Variants in ST18 observed in about 807,000 individuals in gnomAD.
ST18 encodes suppression of tumorigenicity 18 protein.
A neutral mutation model predicts 110.0 loss-of-function variants in ST18; 50 were observed. That is an observed-to-expected ratio of 0.45 (90% CI 0.36 to 0.58). The LOEUF is 0.58. ST18 is among the 20% of genes least tolerant of loss of function. The probability of loss-of-function intolerance (pLI) is 0.00; values close to 1 mark genes in which losing one functional copy is unlikely to be tolerated. For synonymous variants in ST18, 461 were observed against 452.4 expected, an observed-to-expected ratio of 1.02 and a Z score of -0.24; for missense variants, 1,306 against 1,280.1, an observed-to-expected ratio of 1.02 and a Z score of -0.31.
intron 2 of ST18, among the ~76,000 whole-genome samples, chr8:52,314,885 C>T (rs566071171): frequency 6.6e-6 from 1 of 152,158 alleles, no homozygotes; most frequent in African/African-American, 2.4e-5. Context: ...AGCCAGCCAG[C>T]CTCGATTCTA....
intron 2 of ST18, among the ~76,000 whole-genome samples, chr8:52,315,947 T>C (rs2096017252): frequency 6.6e-6 from 1 of 152,210 alleles, no homozygotes; most frequent in Admixed American, 6.5e-5. Flanking sequence ...CCCTGAAACA[T>C]AATCACTATG....
intron 23 of ST18, among the ~76,000 whole-genome samples, chr8:52,124,876 G>C (rs2046402755): frequency 6.9e-6 from 1 of 145,920 alleles, no homozygotes. Flanking sequence ...TCCCTCCCTT[G>C]GATACTGCAT....
intron 2 of ST18, among the ~76,000 whole-genome samples, chr8:52,271,726 T>C (rs1374161482): frequency 6.6e-6 from 1 of 152,216 alleles, no homozygotes; most frequent in Non-Finnish European, 1.5e-5. Flanking sequence ...ACAGTAGCTA[T>C]TTTTTACACA....
intron 22 of ST18, among the ~76,000 whole-genome samples, chr8:52,131,161 C>G (rs894848399): frequency 3.3e-5 from 5 of 152,164 alleles, no homozygotes; most frequent in Non-Finnish European, 7.3e-5. Flanking sequence ...CAAAAAGCCC[C>G]AATTTTGCTC....
At chr8:52,145,194 C>T (rs1430284399) in intron 16 of ST18, among the ~76,000 whole-genome samples, 2 of 151,700 alleles carry the variant, frequency 1.3e-5, no homozygotes, top group Non-Finnish European at 2.9e-5. Context: ...TGTTTTAGGG[C>T]TGAATCTATA....
intron 2 of ST18, among the ~76,000 whole-genome samples, chr8:52,366,683 C>T (rs1828085990): frequency 6.6e-6 from 1 of 152,166 alleles, no homozygotes; most frequent in African/African-American, 2.4e-5. Flanking sequence ...TGAAAAGCAC[C>T]CCCATCAGCC....
intron 6 of ST18, 154 bp downstream of exon 6, chr8:52,217,592 G>A (rs1457589750): frequency 6.6e-6 from 1 of 151,838 alleles, no homozygotes; most frequent in Non-Finnish European, 1.5e-5. Context: ...AAATAAAGAA[G>A]GCCAAAAAAG....
intron 2 of ST18, among the ~76,000 whole-genome samples, chr8:52,330,389 A>G (rs1808686115): frequency 6.6e-6 from 1 of 152,238 alleles, no homozygotes. Flanking sequence ...ACAAAAAATA[A>G]TAAGAGTCTT....
At chr8:52,132,894 T>C (rs2050271373) in intron 21 of ST18, among the ~76,000 whole-genome samples, 163 bp downstream of exon 21, 1 of 151,816 alleles carries the variant, frequency 6.6e-6, no homozygotes, top group African/African-American at 2.4e-5. Flanking sequence ...AGATATAAAT[T>C]GGAAACTTTT....
At chr8:52,332,766 G>A (rs970891391) in intron 2 of ST18, among the ~76,000 whole-genome samples, 7 of 151,856 alleles carry the variant, frequency 4.6e-5, no homozygotes, top group South Asian at 4.2e-4. Context: ...CGGGAGAATC[G>A]CTTGAACCTG....
At chr8:52,137,577 G>A (rs762130119) in intron 17 of ST18, 94 bp from the exon 18 acceptor site, 5 of 1,253,928 alleles carry the variant, frequency 4.0e-6, no homozygotes, top group South Asian at 2.6e-5. Context: ...GCTTCTCTGT[G>A]CGAGATAAGT....
chr8:52,214,929 CA>C (rs2083573540), intron 6 of ST18, among the ~76,000 whole-genome samples: 1 of 152,144 alleles, frequency 6.6e-6, no homozygotes, highest in African/African-American at 2.4e-5. Context: ...AATCAATTAT[CA>C]AAGGGATGCA....
At chr8:52,248,384 T>C (rs914279581) in intron 2 of ST18, 1 of 152,152 alleles carries the variant, frequency 6.6e-6, no homozygotes, top group Non-Finnish European at 1.5e-5. Flanking sequence ...ACATTAACAA[T>C]ACTTTTTAAA....
intron 24 of ST18, 130 bp downstream of exon 24, chr8:52,118,208 A>T (rs2043244916): frequency 3.4e-6 from 2 of 587,074 alleles, no homozygotes; most frequent in African/African-American, 3.8e-5. Flanking sequence ...ATAATTATGG[A>T]ATCTAGAAAC....
Position 52,130,110 on chromosome 8 carries a change from GAAAGAAAGA to G in ST18, c.2666+1839_2666+1847del, listed in dbSNP as rs770853258. Among the ~76,000 whole-genome samples the G allele has an allele frequency of 1.1e-3, 93 of 82,350 alleles. 1 individual carries two copies. The highest frequency in any genetic ancestry group is 1.8e-3 in the Non-Finnish European group (75 of 42,416). The allele number at this position is 82,350 out of a possible 152,430, so 54.0% of individuals were successfully genotyped here. A position where few individuals can be genotyped will look rare whatever the true frequency, so the allele number is the denominator to read the frequency against. On this transcript the variant is annotated intron_variant, in intron 22 of 25. Coordinates refer to ENST00000689386, the MANE Select transcript of ST18 (RefSeq NM_001352837.2). ...AAAGAAAGAAAAAGAAAGAAAGAAA[GAAAGAAAGA>G]AAAGAAAGAAAGAAAGAAAGAAAGA...
intron 2 of ST18, among the ~76,000 whole-genome samples, chr8:52,267,703 C>T (rs910845307): frequency 6.6e-6 from 1 of 152,106 alleles, no homozygotes; most frequent in Non-Finnish European, 1.5e-5. Context: ...GTTTCCTTTG[C>T]TACAGAAAAA....
At chr8:52,360,147 A>G (rs1005050131) in intron 2 of ST18, among the ~76,000 whole-genome samples, 2 of 152,080 alleles carry the variant, frequency 1.3e-5, no homozygotes, top group Non-Finnish European at 2.9e-5. Context: ...CTTTGTGCCA[A>G]AGTTTATAGT....
intron 11 of ST18, among the ~76,000 whole-genome samples, chr8:52,166,472 G>A (rs990028877): frequency 1.3e-5 from 2 of 152,082 alleles, no homozygotes; most frequent in Non-Finnish European, 2.9e-5. Flanking sequence ...AGTCAAACTG[G>A]CCAGTCCTAA....
chr8:52,246,150 T>C (rs1434952151), intron 2 of ST18, among the ~76,000 whole-genome samples: 1 of 152,100 alleles, frequency 6.6e-6, no homozygotes, highest in Non-Finnish European at 1.5e-5. Flanking sequence ...TTTTATCTCT[T>C]AAGATAAAAT....
Sources: gnomAD v4.1 joint callset for allele counts (sites outside exome capture counted in the v4.1 genomes callset) on GRCh38, gnomAD v4.1.1 for gene constraint, MANE v1.5 for transcripts, NCBI Gene and HGNC (gene_info 2026-07-23, HGNC 2026-07-21) for gene names.